RANBP2: variants seen among roughly 807,000 people sequenced by gnomAD.
The protein encoded by RANBP2 is RAN binding protein 2, also known as E3 SUMO-protein ligase RanBP2.
A neutral mutation model predicts 303.6 loss-of-function variants in RANBP2; 57 were observed. The observed-to-expected ratio is 0.19, with a 90% CI of 0.15 to 0.23. The LOEUF (loss-of-function observed/expected upper bound fraction) is 0.23, where lower values mean the gene tolerates loss of function less well. Ranked by LOEUF, RANBP2 falls within the 10% of genes least tolerant of loss-of-function variation. The pLI is 1.00. For synonymous variants in RANBP2, 1,167 were observed against 1,301.5 expected (o/e 0.90, Z 2.23); for missense variants, 3,138 against 3,780.8 (o/e 0.83, Z 4.46).
the RANBP2 span, among the ~76,000 whole-genome samples, chr2:109,652,061 T>C: frequency 1.3e-5 from 2 of 152,200 alleles, no homozygotes; most frequent in African/African-American, 4.8e-5. Flanking sequence ...GAGCAGGTGG[T>C]GTGTGGCAGC....
At chr2:108,853,480 G>A in the RANBP2 span, among the ~76,000 whole-genome samples, 1 of 151,054 alleles carries the variant, frequency 6.6e-6, no homozygotes, top group East Asian at 1.9e-4. Context: ...GTTAAAAGAA[G>A]TTGTAGGAAC....
At chr2:109,122,542 T>C in the RANBP2 span, among the ~76,000 whole-genome samples, 12 of 152,208 alleles carry the variant, frequency 7.9e-5, no homozygotes, top group African/African-American at 1.9e-4. Flanking sequence ...CAGCCTCCAC[T>C]GTATGGGTTT....
chr2:109,567,409 C>T, the RANBP2 span, among the ~76,000 whole-genome samples: 7 of 152,240 alleles, frequency 4.6e-5, no homozygotes, highest in African/African-American at 1.2e-4. Context: ...AGAGAAGGAG[C>T]ATAAATACTA....
At chr2:108,888,462 T>G in the RANBP2 span, among the ~76,000 whole-genome samples, 4 of 152,098 alleles carry the variant, frequency 2.6e-5, no homozygotes, top group Non-Finnish European at 5.9e-5. Context: ...CTTTGTATGT[T>G]TGGTAGGATT....
At chr2:109,581,803 A>C in the RANBP2 span, among the ~76,000 whole-genome samples, 2 of 152,228 alleles carry the variant, frequency 1.3e-5, no homozygotes, top group Admixed American at 6.5e-5. Flanking sequence ...TATTTCACAC[A>C]GTACTTGAAA....
the RANBP2 span, among the ~76,000 whole-genome samples, chr2:109,254,848 GCT>G: frequency 5.9e-5 from 9 of 152,274 alleles, no homozygotes; most frequent in East Asian, 1.5e-3. Flanking sequence ...GGCAGTATCT[GCT>G]CTCTGTGGAT....
the RANBP2 span, among the ~76,000 whole-genome samples, chr2:109,121,844 G>C: frequency 6.6e-6 from 1 of 152,154 alleles, no homozygotes; most frequent in South Asian, 2.1e-4. Context: ...GTACCTCCCT[G>C]CCTGCCAGCA....
the RANBP2 span, among the ~76,000 whole-genome samples, chr2:109,610,457 G>A: frequency 1.3e-5 from 2 of 151,696 alleles, no homozygotes; most frequent in African/African-American, 2.4e-5. Context: ...GCTCACGCCT[G>A]TAATCCCAAC....
chr2:109,715,088 C>G, the RANBP2 span, among the ~76,000 whole-genome samples: 1 of 151,832 alleles, frequency 6.6e-6, no homozygotes, highest in Non-Finnish European at 1.5e-5. Flanking sequence ...CTTCTTCAGC[C>G]TCCCAGGTAG....
chr2:109,599,873 C>A, the RANBP2 span, among the ~76,000 whole-genome samples: 2 of 152,172 alleles, frequency 1.3e-5, no homozygotes, highest in Non-Finnish European at 2.9e-5. Flanking sequence ...CTAATTTGTG[C>A]TGTTTCAGTA....
chr2:109,437,605 A>G, the RANBP2 span, among the ~76,000 whole-genome samples: 2 of 152,198 alleles, frequency 1.3e-5, no homozygotes, highest in Admixed American at 6.5e-5. Context: ...GCTAGGCGGC[A>G]TCTCACAGGA....
At chr2:109,213,513 A>C in the RANBP2 span, among the ~76,000 whole-genome samples, 1 of 152,192 alleles carries the variant, frequency 6.6e-6, no homozygotes, top group Non-Finnish European at 1.5e-5. Context: ...GGAGAAGGGC[A>C]TATCTGCCAT....
the RANBP2 span, among the ~76,000 whole-genome samples, chr2:108,921,100 C>G: frequency 6.6e-6 from 1 of 152,172 alleles, no homozygotes; most frequent in Non-Finnish European, 1.5e-5. Flanking sequence ...CTGCGAATCA[C>G]CCCCCTGAAA....
At chr2:109,319,927 C>T in the RANBP2 span, among the ~76,000 whole-genome samples, 2 of 152,222 alleles carry the variant, frequency 1.3e-5, no homozygotes, top group Admixed American at 1.3e-4. Context: ...TCCCTCCTTG[C>T]AGGGGCAAGG....
At chr2:109,508,852 G>A in the RANBP2 span, among the ~76,000 whole-genome samples, 1 of 152,230 alleles carries the variant, frequency 6.6e-6, no homozygotes, top group Non-Finnish European at 1.5e-5. Context: ...TGGAGAGGAA[G>A]GCAAGCCGTG....
chr2:109,305,778 A>T, the RANBP2 span, among the ~76,000 whole-genome samples: 2 of 152,240 alleles, frequency 1.3e-5, no homozygotes, highest in African/African-American at 4.8e-5. Flanking sequence ...GACAGATGCC[A>T]CAAAACTTGC....
chr2:109,327,549 G>C, the RANBP2 span, among the ~76,000 whole-genome samples: 1 of 152,160 alleles, frequency 6.6e-6, no homozygotes, highest in African/African-American at 2.4e-5. Flanking sequence ...AAATGCATTT[G>C]AACTATACAT....
At chr2:108,842,150 C>G in the RANBP2 span, among the ~76,000 whole-genome samples, 1 of 152,000 alleles carries the variant, frequency 6.6e-6, no homozygotes, top group Non-Finnish European at 1.5e-5. Context: ...GCCTCAGCCT[C>G]CTGTGTAGCT....
Position 108,777,215 on chromosome 2 carries a change from T to C in RANBP2, c.8583T>C (p.Phe2861=). The C allele has an allele frequency of 6.2e-7, 1 of 1,613,492 alleles. No individual in the cohort carries two copies. The highest frequency in any genetic ancestry group is 8.5e-7 in the Non-Finnish European group (1 of 1,179,544). ...ADLASSNSGD[F]AFGSKDKNFQ... ...TGGCTTCCAGTAATTCTGGAGATTT[T>C]GCTTTTGGTTCTAAAGGTAAGATCA... is the stretch of plus-strand genomic sequence containing the variant. The change falls in exon 25 of 29, where the codon TTT becomes TTC. Residue 2861 remains phenylalanine, a synonymous_variant. Transcript: ENST00000283195.
Sources: allele counts gnomAD v4.1 joint callset (sites outside exome capture counted in the v4.1 genomes callset), GRCh38; gene constraint gnomAD v4.1.1; transcripts MANE v1.5; gene names NCBI Gene and HGNC (gene_info 2026-07-23, HGNC 2026-07-21).